Variants in GPR158 observed in about 807,000 individuals in gnomAD.
GPR158 encodes the protein metabotropic glycine receptor.
In GPR158, 30 loss-of-function variants were observed where a neutral mutation model predicts 78.2. That is an observed-to-expected ratio of 0.38 (90% confidence interval 0.29 to 0.52). GPR158 has a LOEUF of 0.52. Among genes scored for constraint, GPR158 ranks in the 20% least tolerant of loss-of-function variants. The pLI is 0.83. For synonymous variants in GPR158, 581 were observed against 591.1 expected (o/e 0.98, Z 0.25); for missense variants, 1,463 against 1,523.5 (o/e 0.96, Z 0.66).
In GPR158 at chr10:25,412,443, G is replaced by C. The variant is rs749828842; in HGVS notation, c.1305G>C (p.Met435Ile). ...ALCMLLDFVS[M>I]LVVYHFRKAK... ...GTATGCTGCTCGACTTCGTTAGCAT[G>C]CTGGTGGTCTACCACTTTCGCAAAG... Residue 435 changes from methionine (M) to isoleucine (I), a missense_variant, in exon 4 of 11, where the codon ATG (methionine) becomes ATC (isoleucine). Physicochemically the swap from Met to Ile is conservative, Grantham distance 10. Transcript: ENST00000376351. 1 of 1,613,886 alleles carries C rather than the reference G, an allele frequency of 6.2e-7. No individual in the cohort carries two copies. Among genetic ancestry groups the C allele is most frequent in the South Asian group, 1.1e-5 (1 of 91,084 alleles).
intron 4 of GPR158, among the ~76,000 whole-genome samples, chr10:25,428,784 T>G (rs1270390158): frequency 6.6e-6 from 1 of 152,078 alleles, no homozygotes. Context: ...TCATTTACAA[T>G]GAAATATTTG....
chr10:25,426,201 A>G (rs1834818281), intron 4 of GPR158, among the ~76,000 whole-genome samples: 1 of 152,134 alleles, frequency 6.6e-6, no homozygotes, highest in South Asian at 2.1e-4. Flanking sequence ...GCTCTGGATT[A>G]AGCTTTGCCT....
intron 2 of GPR158, among the ~76,000 whole-genome samples, chr10:25,388,094 AT>A (rs1834246645): frequency 6.6e-6 from 1 of 152,206 alleles, no homozygotes; most frequent in Non-Finnish European, 1.5e-5. Context: ...AGGAACCTGG[AT>A]TTGATTGTGA....
intron 2 of GPR158, among the ~76,000 whole-genome samples, chr10:25,370,871 A>G (rs919152564): frequency 2.0e-5 from 3 of 151,934 alleles, no homozygotes; most frequent in Non-Finnish European, 4.4e-5. Context: ...GTACATATAT[A>G]TTAAGGATAG....
At position 25,391,958 on chromosome 10, in the gene GPR158, A is replaced by G. The variant is rs185399189; in HGVS notation, c.1009-3953A>G. 1.0e-3 allele frequency among the ~76,000 whole-genome samples: 159 copies of G among 152,188 alleles called. 1 individual carries two copies. The highest frequency in any genetic ancestry group is 3.5e-3 in the African/African-American group (147 of 41,522). ...TCCCATGCTGTTATCTTGAAAGTGA[A>G]TAAGTCTCACGAGATCTGATGGTTT... is the stretch of plus-strand genomic sequence containing the variant. On this transcript the variant is annotated intron_variant, in intron 2 of 10. Coordinates refer to ENST00000376351, the MANE Select transcript of GPR158 (RefSeq NM_020752.3).
At position 25,192,047 on chromosome 10, in the gene GPR158, G is replaced by A. The variant is rs115572549; in HGVS notation, c.902+15725G>A. 5.1e-3 allele frequency among the ~76,000 whole-genome samples: 776 copies of A among 152,198 alleles called. 7 individuals are homozygous for A. Among genetic ancestry groups the A allele is most frequent in the African/African-American group, 0.018 (737 of 41,520 alleles). On this transcript the variant is annotated intron_variant, in intron 1 of 10. Transcript: ENST00000376351. ...TGCCTGATACGGTTTGGCTGTGTCT[G>A]CACCCAAAATCTCATCTTGAATTGT... is the stretch of plus-strand genomic sequence containing the variant.
chr10:25,244,455 T>A (rs1204386253), intron 2 of GPR158: 1 of 152,204 alleles, frequency 6.6e-6, no homozygotes, highest in African/African-American at 2.4e-5. Context: ...GTGCTACCTA[T>A]GTGGATATAC....
chr10:25,289,157 AT>A (rs1425034308), intron 2 of GPR158, among the ~76,000 whole-genome samples: 1 of 152,200 alleles, frequency 6.6e-6, no homozygotes, highest in Non-Finnish European at 1.5e-5. Context: ...ACCCAAAAAC[AT>A]TTATTGAACT....
intron 4 of GPR158, among the ~76,000 whole-genome samples, chr10:25,465,802 A>G (rs1835413645): frequency 6.6e-6 from 1 of 152,196 alleles, no homozygotes; most frequent in Non-Finnish European, 1.5e-5. Flanking sequence ...TTCAGTATGC[A>G]CTGGTGGCTC....
At chr10:25,457,481 G>A (rs1295226989) in intron 4 of GPR158, among the ~76,000 whole-genome samples, 1 of 151,672 alleles carries the variant, frequency 6.6e-6, no homozygotes, top group African/African-American at 2.4e-5. Flanking sequence ...AGTGAAATAT[G>A]AGTTACTCTA....
chr10:25,203,741 C>CT lies in GPR158; in HGVS notation c.903-17303dup, dbSNP rs554907657. ...TAGGATTGTCTTGGTAATGCAGGCT[C>CT]TTTTTTTTGGTTCCATATGAACTTT... is the stretch of plus-strand genomic sequence containing the variant. On this transcript the variant is annotated intron_variant, in intron 1 of 10. Coordinates refer to ENST00000376351, the MANE Select transcript of GPR158 (RefSeq NM_020752.3). Among the ~76,000 whole-genome samples, 5 of 143,866 alleles carry CT rather than the reference C, an allele frequency of 3.5e-5. 1 individual carries two copies. The highest frequency in any genetic ancestry group is 4.7e-4 in the South Asian group (2 of 4,220). The allele number at this position is 143,866 out of a possible 152,430, so 94.4% of individuals were successfully genotyped here. A position where few individuals can be genotyped will look rare whatever the true frequency, so the allele number is the denominator to read the frequency against.
At chr10:25,332,355 G>C (rs1006616087) in intron 2 of GPR158, among the ~76,000 whole-genome samples, 1 of 152,158 alleles carries the variant, frequency 6.6e-6, no homozygotes, top group African/African-American at 2.4e-5. Context: ...TCTTAAGCTA[G>C]GACTTTCTTT....
At chr10:25,199,194 G>T (rs1469124887) in intron 1 of GPR158, among the ~76,000 whole-genome samples, 1 of 149,288 alleles carries the variant, frequency 6.7e-6, no homozygotes, top group Non-Finnish European at 1.5e-5. Context: ...TAAGTAAATT[G>T]CATGCCACAG....
At chr10:25,531,145 A>G (rs1836417434) in intron 5 of GPR158, among the ~76,000 whole-genome samples, 1 of 152,230 alleles carries the variant, frequency 6.6e-6, no homozygotes, top group African/African-American at 2.4e-5. Context: ...AACCTTTAAG[A>G]TAACATATAT....
chr10:25,513,661 TG>T (rs1195608925), intron 5 of GPR158, among the ~76,000 whole-genome samples: 1 of 152,172 alleles, frequency 6.6e-6, no homozygotes, highest in Non-Finnish European at 1.5e-5. Flanking sequence ...TTTAATGCTA[TG>T]AACTTTTCTC....
chr10:25,422,881 A>ATCATT (rs1834770781), intron 4 of GPR158, among the ~76,000 whole-genome samples: 1 of 125,932 alleles, frequency 7.9e-6, no homozygotes, highest in Non-Finnish European at 1.7e-5. Flanking sequence ...AAGTCCCCAA[A>ATCATT]GTTCATTGTA....
chr10:25,364,302 G>T (rs1280851299), intron 2 of GPR158, among the ~76,000 whole-genome samples: 1 of 151,788 alleles, frequency 6.6e-6, no homozygotes, highest in Non-Finnish European at 1.5e-5. Context: ...ATTAAAGAAT[G>T]TCATGACCAG....
chr10:25,406,553 C>T (rs1307180847), intron 3 of GPR158, among the ~76,000 whole-genome samples: 4 of 152,138 alleles, frequency 2.6e-5, no homozygotes, highest in East Asian at 1.9e-4. Context: ...GAAACACGGA[C>T]GCCAGAGAAC....
chr10:25,394,900 T>C (rs7924230), intron 2 of GPR158, among the ~76,000 whole-genome samples: 115,246 of 151,928 alleles, frequency 0.76, 44,550 homozygotes, highest in Non-Finnish European at 0.81. Flanking sequence ...TCTCAAGGGC[T>C]TCTGAAAAGA....
Sources: gnomAD v4.1 joint callset for allele counts (sites outside exome capture counted in the v4.1 genomes callset) on GRCh38, gnomAD v4.1.1 for gene constraint, MANE v1.5 for transcripts, NCBI Gene and HGNC (gene_info 2026-07-23, HGNC 2026-07-21) for gene names.